Variants in PHLPP1 observed in about 807,000 individuals in gnomAD.
The protein encoded by PHLPP1 is PH domain and leucine rich repeat protein phosphatase 1, also known as PH domain leucine-rich repeat-containing protein phosphatase 1.
Under a neutral mutation model 117.2 loss-of-function variants are expected in PHLPP1, and 42 were observed. The ratio of observed to expected loss-of-function variants is 0.36; its 90% CI spans 0.28 to 0.46. The LOEUF (loss-of-function observed/expected upper bound fraction) is 0.46, where lower values mean the gene tolerates loss of function less well. PHLPP1 is among the 20% of genes least tolerant of loss of function. The pLI is 1.00. For synonymous variants in PHLPP1, 1,042 were observed against 970.7 expected (o/e 1.07, Z -1.37); for missense variants, 2,084 against 2,241.9 (o/e 0.93, Z 1.42).
At chr18:62,810,458 C>T (rs1401651661) in intron 1 of PHLPP1, among the ~76,000 whole-genome samples, 1 of 152,070 alleles carries the variant, frequency 6.6e-6, no homozygotes, top group African/African-American at 2.4e-5. Context: ...GGGGATAGTA[C>T]TGAACCCTCA....
chr18:62,853,993 A>G (rs1267984689), intron 3 of PHLPP1, among the ~76,000 whole-genome samples: 5 of 152,214 alleles, frequency 3.3e-5, no homozygotes. Context: ...GACAGGACTT[A>G]GTCTATTTTA....
intron 3 of PHLPP1, among the ~76,000 whole-genome samples, chr18:62,852,800 A>G (rs1178571836): frequency 6.6e-6 from 1 of 152,240 alleles, no homozygotes; most frequent in African/African-American, 2.4e-5. Context: ...GGGCAAAATC[A>G]TCACATTAAT....
In PHLPP1 at chr18:62,979,631, T is replaced by TA. The variant is rs1911318627; in HGVS notation, c.*201dup. Reference sequence around the variant, plus strand: ...TCACCACTTTCTTCTAGTGATGCTTTACCAATATGATTTACATTTGTTAAC... The same window carrying TA: ...TCACCACTTTCTTCTAGTGATGCTTTAACCAATATGATTTACATTTGTTAAC... On this transcript the variant is annotated 3_prime_UTR_variant, in exon 17 of 17. Coordinates refer to ENST00000262719, the MANE Select transcript of PHLPP1 (RefSeq NM_194449.4). 1.7e-6 allele frequency: 1 copy of TA among 600,142 alleles called. No individual in the cohort carries two copies. Among genetic ancestry groups the TA allele is most frequent in the East Asian group, 2.8e-5 (1 of 35,794 alleles). 37.2% of individuals were successfully genotyped at this position (600,142 alleles called of 1,614,324 possible).
intron 8 of PHLPP1, among the ~76,000 whole-genome samples, chr18:62,914,228 T>C (rs1324219447): frequency 6.6e-6 from 1 of 152,150 alleles, no homozygotes; most frequent in African/African-American, 2.4e-5. Flanking sequence ...GGGAAATATT[T>C]TAATATTAAG....
chr18:62,925,539 A>G (rs1438008824), intron 10 of PHLPP1, among the ~76,000 whole-genome samples: 1 of 150,474 alleles, frequency 6.6e-6, no homozygotes, highest in East Asian at 1.9e-4. Flanking sequence ...TAAATATCAA[A>G]GGGACTAAAA....
At position 62,941,711 on chromosome 18, in the gene PHLPP1, A is replaced by G. The variant is rs1279151315; in HGVS notation, c.2961-7A>G. On this transcript the variant is annotated splice_polypyrimidine_tract_variant and splice_region_variant and intron_variant, in intron 10 of 16. Transcript: ENST00000262719. ...CAATGGCATTTTGTTGCGTTTTGTC[A>G]TTGTAGCCTGAGATTCCTGAACGCC... is the stretch of plus-strand genomic sequence containing the variant. 1.2e-6 allele frequency: 2 copies of G among 1,607,998 alleles called. No homozygotes were observed. The highest frequency in any genetic ancestry group is 2.2e-5 in the East Asian group (1 of 44,696).
intron 12 of PHLPP1, among the ~76,000 whole-genome samples, chr18:62,955,829 A>G (rs1461512784): frequency 6.6e-6 from 1 of 152,212 alleles, no homozygotes; most frequent in African/African-American, 2.4e-5. Context: ...AACTACTTGC[A>G]TCCTAAATTA....
chr18:62,756,857 A>G (rs1912038966), intron 1 of PHLPP1, among the ~76,000 whole-genome samples: 11 of 152,184 alleles, frequency 7.2e-5, no homozygotes, highest in Admixed American at 7.2e-4. Flanking sequence ...GCACATGGCT[A>G]TTTGCAGGAC....
chr18:62,742,470 G>T (rs907921273), intron 1 of PHLPP1, among the ~76,000 whole-genome samples: 1 of 151,438 alleles, frequency 6.6e-6, no homozygotes, highest in Non-Finnish European at 1.5e-5. Flanking sequence ...GTCTTGCTCT[G>T]TCGCCCAGGC....
intron 10 of PHLPP1, among the ~76,000 whole-genome samples, chr18:62,928,600 G>T (rs1042018127): frequency 6.6e-6 from 1 of 152,120 alleles, no homozygotes; most frequent in Admixed American, 6.5e-5. Context: ...AAAACAGATT[G>T]TCAGTTCCTC....
At chr18:62,757,760 G>T (rs1007914504) in intron 1 of PHLPP1, among the ~76,000 whole-genome samples, 2 of 152,194 alleles carry the variant, frequency 1.3e-5, no homozygotes, top group Admixed American at 6.5e-5. Context: ...GGCCACCCTT[G>T]TGCTGTTTTC....
intron 10 of PHLPP1, among the ~76,000 whole-genome samples, chr18:62,936,363 T>C (rs1250078628): frequency 6.6e-6 from 1 of 152,172 alleles, no homozygotes; most frequent in Non-Finnish European, 1.5e-5. Flanking sequence ...TTTAACAAAC[T>C]GTAAGTAGAG....
intron 3 of PHLPP1, among the ~76,000 whole-genome samples, chr18:62,850,161 A>G (rs909473366): frequency 2.0e-5 from 3 of 151,136 alleles, no homozygotes; most frequent in East Asian, 3.9e-4. Context: ...AGGCCGAGGC[A>G]GGTGGATCAC....
chr18:62,937,005 T>G (rs997096785), intron 10 of PHLPP1, among the ~76,000 whole-genome samples: 1 of 152,154 alleles, frequency 6.6e-6, no homozygotes, highest in African/African-American at 2.4e-5. Context: ...TATGTAGAGT[T>G]TTAATGGTAT....
chr18:62,838,174 T>C (rs1914959794), intron 2 of PHLPP1: 1 of 152,190 alleles, frequency 6.6e-6, no homozygotes. Context: ...AAGATTTTGG[T>C]TGTAATTTCT....
chr18:62,874,660 C>T (rs1334703159), intron 4 of PHLPP1, among the ~76,000 whole-genome samples: 1 of 4,662 alleles, frequency 2.1e-4, no homozygotes, highest in Non-Finnish European at 1.6e-3. Flanking sequence ...CACGCGCGCA[C>T]ACACACACAC....
chr18:62,864,713 A>G (rs949045027), intron 4 of PHLPP1, among the ~76,000 whole-genome samples: 2 of 152,238 alleles, frequency 1.3e-5, no homozygotes, highest in Non-Finnish European at 2.9e-5. Context: ...CCAAGCTGAT[A>G]TGGGGTCCCT....
intron 12 of PHLPP1, among the ~76,000 whole-genome samples, chr18:62,951,877 C>T (rs562515073): frequency 6.1e-5 from 9 of 147,060 alleles, no homozygotes; most frequent in East Asian, 2.0e-4. Flanking sequence ...TGCAATGGCG[C>T]GATCTTGGCT....
At chr18:62,860,982 A>AT (rs1915617175) in intron 4 of PHLPP1, among the ~76,000 whole-genome samples, 1 of 152,162 alleles carries the variant, frequency 6.6e-6, no homozygotes, top group Non-Finnish European at 1.5e-5. Context: ...ATGAAAGGTC[A>AT]TTTTTTCCCA....
Sources: allele counts gnomAD v4.1 joint callset (sites outside exome capture counted in the v4.1 genomes callset), GRCh38; gene constraint gnomAD v4.1.1; transcripts MANE v1.5; gene names NCBI Gene and HGNC (gene_info 2026-07-23, HGNC 2026-07-21).